Variants in SDK1 observed in about 807,000 individuals in gnomAD.
SDK1 encodes the protein protein sidekick-1.
Under a neutral mutation model 245.5 loss-of-function variants are expected in SDK1, and 157 were observed. The ratio of observed to expected loss-of-function variants is 0.64; its 90% CI spans 0.56 to 0.73. The LOEUF is 0.73. Among genes scored for constraint, SDK1 ranks in the 30% least tolerant of loss-of-function variants. The pLI is 0.00. For missense variants in SDK1, 3,583 were observed against 3,002.3 expected, an observed-to-expected ratio of 1.19 and a Z score of -4.52; for synonymous variants, 1,647 against 1,278.5, an observed-to-expected ratio of 1.29 and a Z score of -6.15.
At chr7:3,893,334 G>A (rs1562517738) in intron 5 of SDK1, among the ~76,000 whole-genome samples, 1 of 152,146 alleles carries the variant, frequency 6.6e-6, no homozygotes, top group African/African-American at 2.4e-5. Context: ...GGTCAGGATG[G>A]CCGGGGGGAG....
intron 20 of SDK1, among the ~76,000 whole-genome samples, chr7:4,075,733 C>A (rs1780633331): frequency 6.6e-6 from 1 of 151,812 alleles, no homozygotes; most frequent in African/African-American, 2.4e-5. Context: ...TGGCTCACTG[C>A]AACCTCCGCC....
At chr7:3,739,343 G>T (rs948078545) in intron 4 of SDK1, among the ~76,000 whole-genome samples, 1 of 152,050 alleles carries the variant, frequency 6.6e-6, no homozygotes, top group African/African-American at 2.4e-5. Flanking sequence ...ATTAAATTTG[G>T]TAAGTTTACT....
intron 1 of SDK1, among the ~76,000 whole-genome samples, chr7:3,401,120 C>T (rs1187889833): frequency 1.3e-5 from 2 of 152,170 alleles, no homozygotes; most frequent in Non-Finnish European, 2.9e-5. Flanking sequence ...ACATAGGGAG[C>T]TGTCATTGTG....
chr7:3,995,412 G>A (rs1784627466), intron 14 of SDK1, among the ~76,000 whole-genome samples: 1 of 151,426 alleles, frequency 6.6e-6, no homozygotes. Flanking sequence ...CCCCTCCCTT[G>A]GGGGCGCTGT....
intron 1 of SDK1, among the ~76,000 whole-genome samples, chr7:3,454,388 T>TGTG (rs1780609872): frequency 1.4e-5 from 2 of 141,686 alleles, no homozygotes; most frequent in Non-Finnish European, 3.1e-5. Context: ...TCCCCAAGAT[T>TGTG]TGTGTGTGTG....
At chr7:3,644,018 T>C (rs951104034) in intron 4 of SDK1, among the ~76,000 whole-genome samples, 1 of 151,288 alleles carries the variant, frequency 6.6e-6, no homozygotes, top group Non-Finnish European at 1.5e-5. Flanking sequence ...TTCTCCTGCC[T>C]CAGCCTCCTG....
chr7:3,406,128 T>C (rs1339655811), intron 1 of SDK1, among the ~76,000 whole-genome samples: 1 of 152,222 alleles, frequency 6.6e-6, no homozygotes, highest in African/African-American at 2.4e-5. Context: ...TGCTTAATTT[T>C]CTAAACAAAC....
intron 4 of SDK1, among the ~76,000 whole-genome samples, chr7:3,662,390 CT>C (rs531317581): frequency 3.3e-4 from 50 of 152,300 alleles, no homozygotes; most frequent in African/African-American, 1.2e-3. Context: ...AGGGACACAT[CT>C]TTGCCTAGTC....
chr7:3,529,964 T>C (rs1783284107), intron 1 of SDK1, among the ~76,000 whole-genome samples: 1 of 152,194 alleles, frequency 6.6e-6, no homozygotes, highest in Non-Finnish European at 1.5e-5. Context: ...GCCTGAACTC[T>C]TACTATTATG....
rs555239083 is a variant in SDK1, at chr7:3,912,356, A to G, written c.848-38567A>G. 3.9e-5 allele frequency among the ~76,000 whole-genome samples: 6 copies of G among 152,322 alleles called. No individual in the cohort carries two copies. In the East Asian group the frequency reaches 1.2e-3, roughly 29 times the overall value. On this transcript the variant is annotated intron_variant, in intron 5 of 44. Coordinates refer to ENST00000404826, the MANE Select transcript of SDK1 (RefSeq NM_152744.4). ...GAGTTCCAAAATGTATTTGACCACA[A>G]AACCTCTTTTTCACGGTAACTGGTG... is the stretch of plus-strand genomic sequence containing the variant.
chr7:3,463,741 T>C (rs1288105213), intron 1 of SDK1, among the ~76,000 whole-genome samples: 2 of 152,216 alleles, frequency 1.3e-5, no homozygotes, highest in South Asian at 2.1e-4. Context: ...CTGGTCTCAC[T>C]CCTTGAATGC....
At chr7:4,002,830 C>T (rs1020048788) in intron 14 of SDK1, among the ~76,000 whole-genome samples, 1 of 152,218 alleles carries the variant, frequency 6.6e-6, no homozygotes, top group East Asian at 1.9e-4. Flanking sequence ...AAAAATAATA[C>T]AAAATTGAAA....
chr7:3,816,763 G>A (rs2115054295), intron 4 of SDK1, among the ~76,000 whole-genome samples: 1 of 152,220 alleles, frequency 6.6e-6, no homozygotes, highest in East Asian at 1.9e-4. Flanking sequence ...TGCTTAAATT[G>A]TGAGGCATGA....
chr7:4,078,164 G>A (rs1053851812), intron 21 of SDK1, among the ~76,000 whole-genome samples: 3 of 152,188 alleles, frequency 2.0e-5, no homozygotes, highest in Non-Finnish European at 4.4e-5. Flanking sequence ...GTGCAGGGAG[G>A]CACTGGAGTT....
chr7:3,564,975 G>A (rs1029190808), intron 1 of SDK1, among the ~76,000 whole-genome samples: 2 of 152,032 alleles, frequency 1.3e-5, no homozygotes, highest in Non-Finnish European at 2.9e-5. Context: ...AGCAGAAGGA[G>A]ATATAATATA....
intron 34 of SDK1, among the ~76,000 whole-genome samples, chr7:4,176,145 TTTTTC>T (rs995108273): frequency 3.3e-5 from 5 of 151,998 alleles, no homozygotes; most frequent in Non-Finnish European, 5.9e-5. Flanking sequence ...GAAACACTCT[TTTTTC>T]TTTTCTTTTC....
At chr7:3,962,885 G>A (rs1310396335) in intron 9 of SDK1, 34 bp downstream of exon 9, 1 of 1,546,434 alleles carries the variant, frequency 6.5e-7, no homozygotes, top group East Asian at 2.3e-5. Context: ...TACCTGACCT[G>A]GACGTATCCA....
chr7:4,225,027 A>T (rs1785343987), intron 40 of SDK1, among the ~76,000 whole-genome samples: 1 of 138,482 alleles, frequency 7.2e-6, no homozygotes, highest in African/African-American at 2.6e-5. Flanking sequence ...AGACACCCGC[A>T]CTAGAAAACT....
At chr7:3,319,624 G>GTA (rs1270171114) in intron 1 of SDK1, among the ~76,000 whole-genome samples, 2 of 151,956 alleles carry the variant, frequency 1.3e-5, no homozygotes, top group African/African-American at 4.8e-5. Context: ...TTCTGCAATT[G>GTA]TATACTGCAT....
Sources: gnomAD v4.1 joint callset for allele counts (sites outside exome capture counted in the v4.1 genomes callset) on GRCh38, gnomAD v4.1.1 for gene constraint, MANE v1.5 for transcripts, NCBI Gene and HGNC (gene_info 2026-07-23, HGNC 2026-07-21) for gene names.